Variants in GKAP1 observed in about 807,000 individuals in gnomAD.
GKAP1 encodes G kinase anchoring protein 1.
In GKAP1, 31 loss-of-function variants were observed where a neutral mutation model predicts 56.7. The observed-to-expected ratio is 0.55, with a 90% CI of 0.41 to 0.74. The LOEUF (loss-of-function observed/expected upper bound fraction) is 0.74, where lower values mean the gene tolerates loss of function less well. Among genes scored for constraint, GKAP1 ranks in the 30% least tolerant of loss-of-function variants. GKAP1 has a pLI of 0.00. For missense variants in GKAP1, 364 were observed against 402.3 expected, an observed-to-expected ratio of 0.90 and a Z score of 0.82; for synonymous variants, 151 against 138.6, an observed-to-expected ratio of 1.09 and a Z score of -0.63.
intron 8 of GKAP1, among the ~76,000 whole-genome samples, chr9:83,760,755 C>T (rs1382124354): frequency 6.6e-6 from 1 of 151,980 alleles, no homozygotes; most frequent in East Asian, 1.9e-4. Flanking sequence ...AAACAATATC[C>T]TCCTGAATGA....
At chr9:83,791,946 G>T (rs141970026) in intron 4 of GKAP1, among the ~76,000 whole-genome samples, 44 of 152,262 alleles carry the variant, frequency 2.9e-4, no homozygotes, top group African/African-American at 1.0e-3. Flanking sequence ...ATAATATTAA[G>T]AATAGATATA....
At chr9:83,815,573 AAC>A (rs377376142) in intron 2 of GKAP1, among the ~76,000 whole-genome samples, 48 of 149,122 alleles carry the variant, frequency 3.2e-4, no homozygotes, top group East Asian at 3.9e-4. Context: ...AACTTCAGAA[AAC>A]ACACACACAC....
At chr9:83,767,309 G>T (rs528988697) in intron 8 of GKAP1, among the ~76,000 whole-genome samples, 2 of 152,066 alleles carry the variant, frequency 1.3e-5, no homozygotes, top group Non-Finnish European at 2.9e-5. Context: ...TGCTGCAAAG[G>T]GTCCAACAAC....
At chr9:83,811,101 T>C (rs1308036067) in intron 2 of GKAP1, among the ~76,000 whole-genome samples, 1 of 152,242 alleles carries the variant, frequency 6.6e-6, no homozygotes, top group Non-Finnish European at 1.5e-5. Flanking sequence ...TATATAAGCA[T>C]TTATGGGTGT....
At chr9:83,753,862 A>T (rs1003512065) in intron 8 of GKAP1, among the ~76,000 whole-genome samples, 6 of 152,200 alleles carry the variant, frequency 3.9e-5, no homozygotes, top group Non-Finnish European at 2.9e-5. Flanking sequence ...TAAGAAATTT[A>T]TAAAATCTCG....
rs191784548 is a variant in GKAP1, at chr9:83,787,904, G to A, written c.438+697C>T. Among the ~76,000 whole-genome samples, 137 of 152,252 alleles carry A rather than the reference G, an allele frequency of 9.0e-4. 1 individual carries two copies. The highest frequency in any genetic ancestry group is 2.7e-3 in the African/African-American group (113 of 41,540). On this transcript the variant is annotated intron_variant, in intron 5 of 12. Transcript: ENST00000376371. ...TGATTTGTAGTGCAACTCTGGCAGA[G>A]GGTCTCTCAATAAATGCCCCTGTAC... is the stretch of plus-strand genomic sequence containing the variant.
At chr9:83,795,956 C>T (rs1034907243) in intron 4 of GKAP1, among the ~76,000 whole-genome samples, 3 of 152,128 alleles carry the variant, frequency 2.0e-5, no homozygotes, top group African/African-American at 7.2e-5. Context: ...CAGCCTGATT[C>T]TTCATCCTGT....
chr9:83,778,080 T>C (rs558360134), intron 7 of GKAP1, among the ~76,000 whole-genome samples: 2 of 152,188 alleles, frequency 1.3e-5, no homozygotes, highest in East Asian at 1.9e-4. Context: ...GAGAAAGAAA[T>C]GCTTATCCAC....
At chr9:83,754,033 A>C (rs942644793) in intron 8 of GKAP1, among the ~76,000 whole-genome samples, 1 of 152,218 alleles carries the variant, frequency 6.6e-6, no homozygotes, top group Non-Finnish European at 1.5e-5. Flanking sequence ...CGCAAACAAA[A>C]AGTTGATTTG....
chr9:83,781,990 C>G (rs562864343), intron 6 of GKAP1, among the ~76,000 whole-genome samples: 3 of 151,292 alleles, frequency 2.0e-5, no homozygotes, highest in African/African-American at 7.3e-5. Context: ...ACTACAGGCG[C>G]GTGCCACCAT....
At chr9:83,780,344 A>G (rs745575801) in intron 7 of GKAP1, 38 bp downstream of exon 7, 1 of 1,188,550 alleles carries the variant, frequency 8.4e-7, no homozygotes, top group Non-Finnish European at 1.2e-6. Context: ...TCTTAAAATC[A>G]TCAGTGTTTT....
chr9:83,765,424 C>T (rs149427457), intron 8 of GKAP1, among the ~76,000 whole-genome samples: 43 of 152,352 alleles, frequency 2.8e-4, no homozygotes, highest in African/African-American at 9.9e-4. Flanking sequence ...AGAGCCCCCA[C>T]ACAGAGTCCC....
intron 7 of GKAP1, 36 bp downstream of exon 7, chr9:83,780,345 TC>T: frequency 8.4e-7 from 1 of 1,193,134 alleles, no homozygotes; most frequent in South Asian, 1.5e-5. Flanking sequence ...CTTAAAATCA[TC>T]AGTGTTTTCT....
intron 8 of GKAP1, among the ~76,000 whole-genome samples, chr9:83,756,482 A>G (rs534813865): frequency 6.8e-6 from 1 of 147,944 alleles, no homozygotes; most frequent in East Asian, 2.0e-4. Flanking sequence ...AAAAAAAAAA[A>G]AAAAAAAAAA....
At chr9:83,762,555 A>G (rs1348474912) in intron 8 of GKAP1, among the ~76,000 whole-genome samples, 1 of 152,206 alleles carries the variant, frequency 6.6e-6, no homozygotes, top group Admixed American at 6.5e-5. Context: ...AAACAATCCT[A>G]AAATATATAT....
At chr9:83,742,089 C>G in intron 11 of GKAP1, 60 bp from the exon 12 acceptor site, 1 of 965,408 alleles carries the variant, frequency 1.0e-6, no homozygotes, top group South Asian at 1.4e-5. Flanking sequence ...ATACTCAATT[C>G]TTAACATATT....
rs1163309690 is a variant in GKAP1 at position 83,759,437 on chromosome 9, T to G, written c.739-6078A>C. On this transcript the variant is annotated intron_variant, in intron 8 of 12. Transcript: ENST00000376371. ...CAACTCACCTGGATAATTTTTTTTT[T>G]GCAGAGACAGGGTTATTAAAAAAAA... Among the ~76,000 whole-genome samples the G allele has an allele frequency of 2.6e-5, 4 of 152,020 alleles. No homozygotes were observed. The South Asian group carries it at 6.2e-4, about 24-fold the overall frequency.
At chr9:83,780,029 C>A (rs1943944203) in intron 7 of GKAP1, among the ~76,000 whole-genome samples, 1 of 151,916 alleles carries the variant, frequency 6.6e-6, no homozygotes, top group Admixed American at 6.6e-5. Context: ...GACATCTTCT[C>A]AGGATAAGTT....
At chr9:83,783,480 C>T (rs1445393608) in intron 6 of GKAP1, among the ~76,000 whole-genome samples, 2 of 152,174 alleles carry the variant, frequency 1.3e-5, no homozygotes, top group Admixed American at 6.5e-5. Context: ...TACTGTACAG[C>T]ACAGGCTAAG....
Sources: gnomAD v4.1 joint callset for allele counts (sites outside exome capture counted in the v4.1 genomes callset) on GRCh38, gnomAD v4.1.1 for gene constraint, MANE v1.5 for transcripts, NCBI Gene and HGNC (gene_info 2026-07-23, HGNC 2026-07-21) for gene names.